COL19A1: variants seen among roughly 807,000 people sequenced by gnomAD.
COL19A1 encodes collagen type XIX alpha 1 chain.
A neutral mutation model predicts 190.2 loss-of-function variants in COL19A1; 159 were observed. The observed-to-expected ratio is 0.84, with a 90% confidence interval of 0.73 to 0.95. The LOEUF is 0.95. COL19A1 is among the 40% of genes least tolerant of loss of function. The pLI is 0.00. For synonymous variants in COL19A1, 509 were observed against 458.9 expected (o/e 1.11, Z -1.39); for missense variants, 1,418 against 1,431.9 (o/e 0.99, Z 0.16).
chr6:70,025,990 T>TTAA (rs1778713504), intron 12 of COL19A1, among the ~76,000 whole-genome samples: 1 of 152,164 alleles, frequency 6.6e-6, no homozygotes, highest in Admixed American at 6.5e-5. Context: ...TTCAAACAGA[T>TTAA]TAATTACAGT....
chr6:70,088,578 A>C (rs1403376561), intron 15 of COL19A1, among the ~76,000 whole-genome samples: 1 of 152,182 alleles, frequency 6.6e-6, no homozygotes, highest in African/African-American at 2.4e-5. Flanking sequence ...ATCCAAAGCC[A>C]CTATGTCCAC....
intron 16 of COL19A1, among the ~76,000 whole-genome samples, chr6:70,105,369 G>T (rs887862023): frequency 6.6e-6 from 1 of 152,086 alleles, no homozygotes; most frequent in East Asian, 1.9e-4. Context: ...TGTTGGCCAG[G>T]ATGGTCTCGA....
chr6:70,001,059 AG>A (rs1777230234), intron 11 of COL19A1, among the ~76,000 whole-genome samples: 1 of 152,180 alleles, frequency 6.6e-6, no homozygotes, highest in Admixed American at 6.5e-5. Context: ...GGTGTAAGAA[AG>A]GGGTCCAATT....
At position 69,879,642 on chromosome 6, in the gene COL19A1, C is replaced by T. The variant is rs191989963; in HGVS notation, c.75C>T (p.Thr25=). The T allele has an allele frequency of 2.2e-5, 35 of 1,614,008 alleles. No individual in the cohort carries two copies. The Admixed American group carries it at 3.7e-4, about 17-fold the overall frequency. ...IFLLPASTSV[T]VRDKTEESCP... ...TGCTTCCTGCTTCCACTTCCGTGAC[C>T]GTTAGGGACAAGACAGGTATCCAGG... is the stretch of plus-strand genomic sequence containing the variant. The change falls in exon 2 of 51, where the codon ACC becomes ACT. Residue 25 remains threonine, a synonymous_variant. Transcript: ENST00000620364.
intron 2 of COL19A1, 78 bp from the exon 3 acceptor site, chr6:69,898,870 C>A: frequency 1.2e-6 from 1 of 837,874 alleles, no homozygotes; most frequent in African/African-American, 1.7e-5. Flanking sequence ...TCCATTTTAT[C>A]TTAAGTTTCT....
At chr6:69,969,970 G>A (rs1775328763) in intron 11 of COL19A1, among the ~76,000 whole-genome samples, 1 of 152,090 alleles carries the variant, frequency 6.6e-6, no homozygotes, top group Non-Finnish European at 1.5e-5. Context: ...TAGCCTCCTT[G>A]CTCAGAACTA....
At chr6:70,107,150 C>A (rs1784026803) in intron 16 of COL19A1, among the ~76,000 whole-genome samples, 1 of 152,168 alleles carries the variant, frequency 6.6e-6, no homozygotes, top group African/African-American at 2.4e-5. Context: ...AACACAGGAA[C>A]TGATCCCTAA....
intron 11 of COL19A1, among the ~76,000 whole-genome samples, chr6:69,970,736 A>G (rs1239669779): frequency 2.0e-5 from 3 of 152,202 alleles, no homozygotes; most frequent in East Asian, 1.9e-4. Context: ...GTGTTATACA[A>G]TTGTTTCCTT....
At chr6:70,197,300 G>T (rs1263676786) in intron 48 of COL19A1, among the ~76,000 whole-genome samples, 1 of 151,956 alleles carries the variant, frequency 6.6e-6, no homozygotes, top group Non-Finnish European at 1.5e-5. Flanking sequence ...GTGGGCGCCT[G>T]TAGTCCCAGC....
At chr6:70,124,369 CT>C (rs1331095725) in intron 17 of COL19A1, among the ~76,000 whole-genome samples, 1 of 152,168 alleles carries the variant, frequency 6.6e-6, no homozygotes, top group Non-Finnish European at 1.5e-5. Flanking sequence ...TACTTAGCTA[CT>C]TAAATATTTG....
At chr6:70,159,147 CAA>C (rs3840404) in intron 34 of COL19A1, among the ~76,000 whole-genome samples, 11 of 135,392 alleles carry the variant, frequency 8.1e-5, no homozygotes, top group Non-Finnish European at 1.1e-4. Flanking sequence ...CTAAAAGTAG[CAA>C]AAAAAAAAAA....
intron 14 of COL19A1, among the ~76,000 whole-genome samples, chr6:70,042,332 G>C (rs1347038801): frequency 6.6e-6 from 1 of 152,116 alleles, no homozygotes; most frequent in Non-Finnish European, 1.5e-5. Flanking sequence ...AATAAAGCAA[G>C]TCACCAATTT....
At chr6:69,880,148 A>G (rs777463185) in intron 2 of COL19A1, among the ~76,000 whole-genome samples, 2 of 152,258 alleles carry the variant, frequency 1.3e-5, no homozygotes, top group African/African-American at 2.4e-5. Context: ...ACAGATCTTT[A>G]GAGCACCTTT....
chr6:69,925,365 TTG>T (rs1393490518), intron 4 of COL19A1, among the ~76,000 whole-genome samples: 1 of 152,236 alleles, frequency 6.6e-6, no homozygotes, highest in African/African-American at 2.4e-5. Flanking sequence ...TTGCTTGTTT[TTG>T]TCAGGTTTCT....
At chr6:70,155,361 C>CA (rs1787369978) in intron 31 of COL19A1, among the ~76,000 whole-genome samples, 1 of 152,218 alleles carries the variant, frequency 6.6e-6, no homozygotes, top group East Asian at 1.9e-4. Flanking sequence ...CTTTCTTGGT[C>CA]ATATTCTTAT....
chr6:70,133,626 A>C (rs1178881299), intron 18 of COL19A1, among the ~76,000 whole-genome samples: 1 of 152,208 alleles, frequency 6.6e-6, no homozygotes, highest in Non-Finnish European at 1.5e-5. Context: ...TCTTGTGAGG[A>C]AGACTGTCAG....
Position 69,900,304 on chromosome 6 carries a change from A to C in COL19A1, c.232A>C (p.Lys78Gln). The change falls in exon 4 of 51, where the codon AAA (lysine) becomes CAA (glutamine). Residue 78 changes from lysine to glutamine, a missense_variant. Coordinates refer to ENST00000620364, the MANE Select transcript of COL19A1 (RefSeq NM_001858.6). ...AFCESDKTCF[K>Q]LGSALLIRDT... ...TTGTGAAAGTGATAAAACCTGTTTC[A>C]AATTGGGAAGTGCACTTCTTATTAG... 1 of 1,592,874 alleles carries C rather than the reference A, an allele frequency of 6.3e-7. No individual in the cohort carries two copies. The highest frequency in any genetic ancestry group is 1.7e-5 in the Admixed American group (1 of 58,276).
chr6:70,047,525 T>A (rs1779976477), intron 14 of COL19A1, among the ~76,000 whole-genome samples: 1 of 152,098 alleles, frequency 6.6e-6, no homozygotes, highest in South Asian at 2.1e-4. Flanking sequence ...AAATTGCATT[T>A]TATATTAGCT....
At chr6:70,017,199 AT>A (rs1582689251) in intron 11 of COL19A1, among the ~76,000 whole-genome samples, 1 of 152,154 alleles carries the variant, frequency 6.6e-6, no homozygotes, top group Admixed American at 6.6e-5. Flanking sequence ...ACTCAAAAGC[AT>A]AATGTTGAAT....
Sources: allele counts gnomAD v4.1 joint callset (sites outside exome capture counted in the v4.1 genomes callset), GRCh38; gene constraint gnomAD v4.1.1; transcripts MANE v1.5; gene names NCBI Gene and HGNC (gene_info 2026-07-23, HGNC 2026-07-21).